RANBP2: variants seen among roughly 807,000 people sequenced by gnomAD.
RANBP2 encodes RAN binding protein 2, also known as E3 SUMO-protein ligase RanBP2.
In RANBP2, 57 loss-of-function variants were observed where a neutral mutation model predicts 303.6. That is an observed-to-expected ratio of 0.19 (90% CI 0.15 to 0.23). The LOEUF is 0.23. Among genes scored for constraint, RANBP2 ranks in the 10% least tolerant of loss-of-function variants. The pLI, the probability that RANBP2 is intolerant of heterozygous loss-of-function variation, is 1.00. For missense variants in RANBP2, 3,138 were observed against 3,780.8 expected (o/e 0.83, Z 4.46); for synonymous variants, 1,167 against 1,301.5 (o/e 0.90, Z 2.23).
chr2:109,179,869 A>G, the RANBP2 span, among the ~76,000 whole-genome samples: 1 of 152,188 alleles, frequency 6.6e-6, no homozygotes, highest in African/African-American at 2.4e-5. Context: ...TACCCCTCAA[A>G]GTGCTCCTTA....
the RANBP2 span, among the ~76,000 whole-genome samples, chr2:109,624,023 C>A: frequency 6.6e-6 from 1 of 152,206 alleles, no homozygotes; most frequent in African/African-American, 2.4e-5. Flanking sequence ...CACTGCACAG[C>A]TTGGGAAGGA....
At chr2:109,398,817 C>A in the RANBP2 span, 1 of 1,613,916 alleles carries the variant, frequency 6.2e-7, no homozygotes, top group South Asian at 1.1e-5. Context: ...CGCACAGATC[C>A]TCCCAGGCTG....
chr2:109,101,310 A>C, the RANBP2 span, among the ~76,000 whole-genome samples: 2 of 152,162 alleles, frequency 1.3e-5, no homozygotes, highest in Admixed American at 6.5e-5. Context: ...GCAGATCACG[A>C]GGTAAGGAGA....
chr2:109,540,262 G>A, the RANBP2 span, among the ~76,000 whole-genome samples: 1,077 of 152,128 alleles, frequency 7.1e-3, 7 homozygotes, highest in Non-Finnish European at 0.012. Context: ...TTTTATCTAC[G>A]CTCACAAGGC....
the RANBP2 span, chr2:109,617,368 T>C: frequency 1.3e-4 from 22 of 167,082 alleles, no homozygotes; most frequent in Non-Finnish European, 4.4e-5. Context: ...AAAAATACCA[T>C]TCATTAAAAT....
chr2:109,185,668 G>A, the RANBP2 span, among the ~76,000 whole-genome samples: 657 of 152,294 alleles, frequency 4.3e-3, 8 homozygotes, highest in African/African-American at 0.015. Context: ...GTTCACCTTA[G>A]TTCACTAGGC....
At chr2:108,822,315 C>T in the RANBP2 span, among the ~76,000 whole-genome samples, 3 of 152,004 alleles carry the variant, frequency 2.0e-5, no homozygotes, top group African/African-American at 7.2e-5. Flanking sequence ...ATAAAGCAAA[C>T]ATTGACAGAA....
Position 108,763,274 on chromosome 2 carries a change from A to G in RANBP2, c.2735A>G (p.Gln912Arg). The G allele has an allele frequency of 1.9e-6, 3 of 1,613,826 alleles. No individual in the cohort carries two copies. The highest frequency in any genetic ancestry group is 2.5e-6 in the Non-Finnish European group (3 of 1,179,938). ...VYGMNRLPPQ[Q>R]HIYAYPQQMH... is the part of the protein sequence containing the mutation. The stretch of plus-strand genomic sequence containing the variant: ...GGCATGAATAGGCTTCCACCCCAAC[A>G]GCATATTTATGCCTATCCGCAACAG... Residue 912 changes from glutamine (Q) to arginine (R), a missense_variant, in exon 20 of 29, where the codon CAG (glutamine) becomes CGG (arginine). Physicochemically the swap from Gln to Arg is conservative, Grantham distance 43. Coordinates refer to ENST00000283195, the MANE Select transcript of RANBP2 (RefSeq NM_006267.5).
chr2:109,405,766 T>C, the RANBP2 span, among the ~76,000 whole-genome samples: 1 of 152,364 alleles, frequency 6.6e-6, no homozygotes, highest in Non-Finnish European at 1.5e-5. Context: ...ACTTCCAGTG[T>C]GCCCATGATG....
the RANBP2 span, among the ~76,000 whole-genome samples, chr2:109,143,965 T>C: frequency 1.3e-5 from 2 of 152,256 alleles, no homozygotes; most frequent in African/African-American, 4.8e-5. Context: ...AGGCAAATAC[T>C]GTGTGATCTC....
chr2:109,134,469 C>G, the RANBP2 span, among the ~76,000 whole-genome samples: 1 of 152,104 alleles, frequency 6.6e-6, no homozygotes, highest in Non-Finnish European at 1.5e-5. Flanking sequence ...TTGCAGCCAG[C>G]GAGTGAATAA....
At chr2:109,407,432 C>T in the RANBP2 span, among the ~76,000 whole-genome samples, 1 of 152,202 alleles carries the variant, frequency 6.6e-6, no homozygotes, top group Admixed American at 6.5e-5. Context: ...TGTCTCTATG[C>T]AGCTTCCTGT....
chr2:109,657,035 G>C, the RANBP2 span, among the ~76,000 whole-genome samples: 1 of 152,176 alleles, frequency 6.6e-6, no homozygotes, highest in Non-Finnish European at 1.5e-5. Context: ...GAAAATCCAT[G>C]ATATGATTGG....
At chr2:109,577,655 G>A in the RANBP2 span, among the ~76,000 whole-genome samples, 10 of 151,560 alleles carry the variant, frequency 6.6e-5, no homozygotes, top group Non-Finnish European at 1.0e-4. Flanking sequence ...GCTCACGCCT[G>A]CAATCCCAGC....
At chr2:109,460,703 T>C in the RANBP2 span, among the ~76,000 whole-genome samples, 2 of 152,360 alleles carry the variant, frequency 1.3e-5, no homozygotes, top group South Asian at 4.1e-4. Context: ...CATGTGCTTT[T>C]CCAATTTCCT....
chr2:109,453,799 G>T, the RANBP2 span, among the ~76,000 whole-genome samples: 1 of 152,188 alleles, frequency 6.6e-6, no homozygotes, highest in Non-Finnish European at 1.5e-5. Context: ...GGGAACAGAG[G>T]GTCACCGACA....
At chr2:109,387,858 TGG>T in the RANBP2 span, among the ~76,000 whole-genome samples, 11,767 of 147,742 alleles carry the variant, frequency 0.08, 1,253 homozygotes, top group African/African-American at 0.25. Flanking sequence ...CCCAGATGGT[TGG>T]GGGGGGGGTC....
chr2:108,813,387 A>AT, the RANBP2 span, among the ~76,000 whole-genome samples: 1 of 151,970 alleles, frequency 6.6e-6, no homozygotes, highest in East Asian at 1.9e-4. Flanking sequence ...CACCATAATA[A>AT]TTTTTTAATA....
chr2:109,070,112 T>C, the RANBP2 span, among the ~76,000 whole-genome samples: 1 of 151,988 alleles, frequency 6.6e-6, no homozygotes, highest in Admixed American at 6.6e-5. Context: ...GACTATACGT[T>C]CAAAGGGTGT....
Sources: gnomAD v4.1 joint callset for allele counts (sites outside exome capture counted in the v4.1 genomes callset) on GRCh38, gnomAD v4.1.1 for gene constraint, MANE v1.5 for transcripts, NCBI Gene and HGNC (gene_info 2026-07-23, HGNC 2026-07-21) for gene names.